ABCA13: variants seen among roughly 807,000 people sequenced by gnomAD.
ABCA13 encodes the protein ATP-binding cassette sub-family A member 13.
In ABCA13, 476 loss-of-function variants were observed where a neutral mutation model predicts 478.7. The ratio of observed to expected loss-of-function variants is 0.99; its 90% CI spans 0.92 to 1.07. ABCA13 has a LOEUF of 1.07. Ranked by LOEUF, ABCA13 falls within the 50% of genes least tolerant of loss-of-function variation. The probability of loss-of-function intolerance (pLI) is 0.00; values close to 1 mark genes in which losing one functional copy is unlikely to be tolerated. For missense variants in ABCA13, 6,060 were observed against 5,910.6 expected, an observed-to-expected ratio of 1.03 and a Z score of -0.83; for synonymous variants, 2,252 against 2,158.9, an observed-to-expected ratio of 1.04 and a Z score of -1.20.
intron 23 of ABCA13, among the ~76,000 whole-genome samples, chr7:48,304,209 T>G (rs1406546496): frequency 6.6e-6 from 1 of 152,186 alleles, no homozygotes; most frequent in Non-Finnish European, 1.5e-5. Flanking sequence ...CATCACGACT[T>G]CTTAAAAACT....
intron 41 of ABCA13, among the ~76,000 whole-genome samples, chr7:48,412,998 A>T (rs2129099308): frequency 6.6e-6 from 1 of 151,656 alleles, no homozygotes; most frequent in South Asian, 2.1e-4. Flanking sequence ...TTTTTAGTAG[A>T]GATGGGGTTT....
At chr7:48,484,815 T>C (rs1215903536) in intron 47 of ABCA13, among the ~76,000 whole-genome samples, 1 of 152,198 alleles carries the variant, frequency 6.6e-6, no homozygotes, top group Non-Finnish European at 1.5e-5. Context: ...GCCAAGGAAC[T>C]CAACATTGTT....
At position 48,636,450 on chromosome 7, in the gene ABCA13, G is replaced by A. The variant is rs369837107; in HGVS notation, c.14838-6838G>A. The stretch of plus-strand genomic sequence containing the variant: ...CTCAGCTGTCACTTGGGTCTTTCCT[G>A]CCCATGGGAGATTTAGGAAAATGTG... On this transcript the variant is annotated intron_variant, in intron 59 of 61. Transcript: ENST00000435803. Among the ~76,000 whole-genome samples, 3 of 152,118 alleles carry A rather than the reference G, an allele frequency of 2.0e-5. No individual in the cohort carries two copies. In the South Asian group the frequency reaches 6.2e-4, roughly 32 times the overall value.
intron 55 of ABCA13, among the ~76,000 whole-genome samples, chr7:48,577,460 T>G (rs1788290714): frequency 6.6e-6 from 1 of 152,130 alleles, no homozygotes; most frequent in African/African-American, 2.4e-5. Flanking sequence ...TGAGCAACTC[T>G]ATGCCCACAT....
chr7:48,403,980 T>A, intron 39 of ABCA13, 101 bp downstream of exon 39: 1 of 1,329,092 alleles, frequency 7.5e-7, no homozygotes, highest in Non-Finnish European at 1.1e-6. Context: ...CCAGTGAGGC[T>A]ACATTATCCT....
At chr7:48,319,813 C>T (rs1803159510) in intron 27 of ABCA13, among the ~76,000 whole-genome samples, 1 of 152,164 alleles carries the variant, frequency 6.6e-6, no homozygotes, top group Non-Finnish European at 1.5e-5. Flanking sequence ...GGACTCTTCT[C>T]CTCTATCTGT....
chr7:48,177,104 G>GA (rs1050872951), intron 1 of ABCA13, among the ~76,000 whole-genome samples: 3 of 151,826 alleles, frequency 2.0e-5, no homozygotes, highest in Admixed American at 2.0e-4. Flanking sequence ...TTCTGAAATT[G>GA]AAAAAAAATT....
At chr7:48,596,632 A>G (rs1563484752) in intron 58 of ABCA13, among the ~76,000 whole-genome samples, 2 of 152,044 alleles carry the variant, frequency 1.3e-5, no homozygotes, top group African/African-American at 2.4e-5. Context: ...CCACATCTCT[A>G]CTAAAAATAC....
chr7:48,314,573 A>G (rs1802269979), intron 26 of ABCA13, among the ~76,000 whole-genome samples, 164 bp downstream of exon 26: 1 of 152,160 alleles, frequency 6.6e-6, no homozygotes, highest in Non-Finnish European at 1.5e-5. Flanking sequence ...CTGACTTTGA[A>G]CGGTTCTAGT....
In ABCA13 at chr7:48,276,400, T is replaced by C. The variant is rs758349756; in HGVS notation, c.6734T>C (p.Met2245Thr). The change falls in exon 17 of 62, where the codon ATG becomes ACG. Residue 2245 changes from methionine (M) to threonine (T), a missense_variant. Around this residue, in one of 3 missense-constraint regions of ABCA13, gnomAD observed 4,423 missense variants for 4,309.1 expected, o/e 1.03. Coordinates refer to ENST00000435803, the MANE Select transcript of ABCA13 (RefSeq NM_152701.5). ...MNFINLILNH[M>T]QSETSRKTVL... is the part of the protein sequence containing the mutation. ...TTCATTAACCTTATCTTGAACCATATGCAGTCAGAAACTAGTAGGAAAACA... is the reference window on the plus strand; with the variant it reads ...TTCATTAACCTTATCTTGAACCATACGCAGTCAGAAACTAGTAGGAAAACA... The C allele has an allele frequency of 4.5e-6, 7 of 1,559,690 alleles. No homozygotes were observed. Among genetic ancestry groups the C allele is most frequent in the Non-Finnish European group, 6.1e-6 (7 of 1,154,482 alleles).
intron 43 of ABCA13, among the ~76,000 whole-genome samples, chr7:48,461,665 C>T (rs974773849): frequency 2.6e-5 from 4 of 152,142 alleles, no homozygotes; most frequent in Admixed American, 6.5e-5. Flanking sequence ...TGTTCTTCAG[C>T]TCAGCCCACC....
At chr7:48,492,082 A>G (rs962227324) in intron 48 of ABCA13, among the ~76,000 whole-genome samples, 12 of 152,176 alleles carry the variant, frequency 7.9e-5, no homozygotes, top group African/African-American at 2.9e-4. Context: ...CTGAACCCTG[A>G]TGCAGGCCGC....
chr7:48,349,037 G>A (rs1483164121), intron 29 of ABCA13, among the ~76,000 whole-genome samples: 1 of 152,176 alleles, frequency 6.6e-6, no homozygotes, highest in East Asian at 1.9e-4. Flanking sequence ...TACTCTTTGT[G>A]CCTTAATTCC....
chr7:48,304,488 T>C (rs1375204599), intron 23 of ABCA13, among the ~76,000 whole-genome samples: 1 of 152,222 alleles, frequency 6.6e-6, no homozygotes, highest in Admixed American at 6.5e-5. Flanking sequence ...ACATCTTTTA[T>C]TTTTTGACTT....
At chr7:48,208,404 A>G (rs1480357093) in intron 3 of ABCA13, among the ~76,000 whole-genome samples, 1 of 152,116 alleles carries the variant, frequency 6.6e-6, no homozygotes. Flanking sequence ...GAGGATGGAC[A>G]TTTTAATAAT....
Position 48,279,188 on chromosome 7 carries a change from C to T in ABCA13, c.7994C>T (p.Thr2665Ile). Residue 2665 changes from threonine to isoleucine, a missense_variant, in exon 18 of 62, where the codon ACA becomes ATA. Thr to Ile is a moderately conservative substitution (Grantham distance 89). Around this residue, in one of 3 missense-constraint regions of ABCA13, gnomAD observed 4,423 missense variants for 4,309.1 expected, o/e 1.03. Coordinates refer to ENST00000435803, the MANE Select transcript of ABCA13 (RefSeq NM_152701.5). ...LAVAFNNETQTFSMDSVNLRE... is the reference protein window; with the variant it reads ...LAVAFNNETQIFSMDSVNLRE... ...GTAGCATTTAACAATGAGACTCAAACATTTTCTATGGATTCTGTCAACTTA... is the reference window on the plus strand; with the variant it reads ...GTAGCATTTAACAATGAGACTCAAATATTTTCTATGGATTCTGTCAACTTA... The T allele has an allele frequency of 3.1e-6, 5 of 1,598,158 alleles. No individual in the cohort carries two copies. The highest frequency in any genetic ancestry group is 2.2e-5 in the East Asian group (1 of 44,568).
intron 38 of ABCA13, among the ~76,000 whole-genome samples, chr7:48,397,497 T>C (rs939955130): frequency 2.0e-5 from 3 of 148,380 alleles, no homozygotes; most frequent in African/African-American, 2.5e-5. Context: ...AAGAATATGG[T>C]AGAGGCACAT....
At chr7:48,214,874 C>G (rs1421155689) in intron 3 of ABCA13, among the ~76,000 whole-genome samples, 1 of 152,202 alleles carries the variant, frequency 6.6e-6, no homozygotes, top group East Asian at 1.9e-4. Context: ...TGGAGTGGCA[C>G]TTTTCATTTT....
Position 48,455,167 on chromosome 7 carries a change from G to C in ABCA13, c.12696G>C (p.Leu4232=). The C allele has an allele frequency of 6.3e-7, 1 of 1,586,132 alleles. No homozygotes were observed. The highest frequency in any genetic ancestry group is 2.3e-5 in the East Asian group (1 of 43,192). Residue 4232 remains leucine, a synonymous_variant, in exon 43 of 62, where the codon CTG becomes CTC. Transcript: ENST00000435803. ...AGKSTLADLL[L]PVLFVALAMG... is the part of the protein sequence containing the mutation. The stretch of plus-strand genomic sequence containing the variant: ...AGAGCACCCTCGCCGACCTGCTGCT[G>C]CCAGTCCTCTTCGTGGCCTTGGCCA...
Sources: gnomAD v4.1 joint callset for allele counts (sites outside exome capture counted in the v4.1 genomes callset) on GRCh38, gnomAD v4.1.1 for gene constraint, gnomAD v4.1.1 regional missense constraint, MANE v1.5 for transcripts, NCBI Gene and HGNC (gene_info 2026-07-23, HGNC 2026-07-21) for gene names.